Variants in FGF10 observed in about 807,000 individuals in gnomAD.
FGF10 encodes FGF-10.
Under a neutral mutation model 19.8 loss-of-function variants are expected in FGF10, and 2 were observed. That is an observed-to-expected ratio of 0.10 (90% CI 0.04 to 0.32). The LOEUF is 0.32. Ranked by LOEUF, FGF10 falls within the 10% of genes least tolerant of loss-of-function variation. FGF10 has a pLI of 1.00. For missense variants in FGF10, 191 were observed against 246.3 expected (o/e 0.78, Z 1.50); for synonymous variants, 112 against 94.0 (o/e 1.19, Z -1.10).
intron 1 of FGF10, among the ~76,000 whole-genome samples, chr5:44,383,573 T>C (rs1309679476): frequency 1.3e-5 from 2 of 152,112 alleles, no homozygotes; most frequent in African/African-American, 2.4e-5. Flanking sequence ...CTTAGGTTTC[T>C]CCTCGTAGGA....
At chr5:44,351,638 A>C (rs142704518) in intron 1 of FGF10, among the ~76,000 whole-genome samples, 16 of 151,770 alleles carry the variant, frequency 1.1e-4, no homozygotes, top group Non-Finnish European at 1.6e-4. Context: ...CATCGTTGGA[A>C]TCTTATCTGT....
chr5:44,379,119 T>C (rs1741933231), intron 1 of FGF10, among the ~76,000 whole-genome samples: 1 of 152,194 alleles, frequency 6.6e-6, no homozygotes, highest in African/African-American at 2.4e-5. Flanking sequence ...AAGGCTTCTC[T>C]AGCAGTGCTC....
intron 1 of FGF10, among the ~76,000 whole-genome samples, chr5:44,319,514 G>A (rs183417043): frequency 6.6e-6 from 1 of 152,224 alleles, no homozygotes; most frequent in African/African-American, 2.4e-5. Context: ...TGCTAATCAT[G>A]AACAGCCCTG....
At chr5:44,313,627 T>C (rs566344369) in intron 1 of FGF10, among the ~76,000 whole-genome samples, 29 of 151,804 alleles carry the variant, frequency 1.9e-4, no homozygotes, top group African/African-American at 6.8e-4. Context: ...CTGAAAATTA[T>C]ATTATTAATG....
chr5:44,323,190 G>A (rs1246200529), intron 1 of FGF10, among the ~76,000 whole-genome samples: 1 of 152,032 alleles, frequency 6.6e-6, no homozygotes, highest in East Asian at 1.9e-4. Context: ...CTCACACTTG[G>A]CAAAGAAAGA....
Position 44,304,854 on chromosome 5 carries a change from C to T in FGF10, c.*141G>A, listed in dbSNP as rs1740038565. ...ATATGTCAGCAGTGAATACAAAAACCTTCAAAGGCTGGCTTTCTTTTAAGC... is the reference window on the plus strand; with the variant it reads ...ATATGTCAGCAGTGAATACAAAAACTTTCAAAGGCTGGCTTTCTTTTAAGC... On this transcript the variant is annotated 3_prime_UTR_variant, in exon 3 of 3. Coordinates refer to ENST00000264664, the MANE Select transcript of FGF10 (RefSeq NM_004465.2). 3 of 796,676 alleles carry T rather than the reference C, an allele frequency of 3.8e-6. No homozygotes were observed. Among genetic ancestry groups the T allele is most frequent in the Non-Finnish European group, 6.4e-6 (3 of 465,596 alleles). The allele number at this position is 796,676 out of a possible 1,614,324, so 49.4% of individuals were successfully genotyped here.
In FGF10 at chr5:44,302,747, T is replaced by C. The variant is rs1046656356; in HGVS notation, c.*2248A>G. Among the ~76,000 whole-genome samples the C allele has an allele frequency of 1.3e-5, 2 of 151,754 alleles. No individual in the cohort carries two copies. Among genetic ancestry groups the C allele is most frequent in the Non-Finnish European group, 2.9e-5 (2 of 67,802 alleles). ...TTGGCCTCTGCAAGCTTTAATATATTTTGCTAGAAGCTGTTTTAGTGTCTT... is the reference window on the plus strand; with the variant it reads ...TTGGCCTCTGCAAGCTTTAATATATCTTGCTAGAAGCTGTTTTAGTGTCTT... On this transcript the variant is annotated 3_prime_UTR_variant, in exon 3 of 3. Coordinates refer to ENST00000264664, the MANE Select transcript of FGF10 (RefSeq NM_004465.2).
chr5:44,330,799 A>G (rs1308915012), intron 1 of FGF10, among the ~76,000 whole-genome samples: 1 of 152,192 alleles, frequency 6.6e-6, no homozygotes, highest in Non-Finnish European at 1.5e-5. Context: ...TCTGTCTCTT[A>G]GAAAAATGTC....
intron 1 of FGF10, among the ~76,000 whole-genome samples, chr5:44,333,025 A>G (rs1019532610): frequency 2.0e-5 from 3 of 152,088 alleles, no homozygotes; most frequent in Non-Finnish European, 4.4e-5. Context: ...ATAGGACAGT[A>G]TATGCATTAG....
At chr5:44,344,989 T>C (rs1418144416) in intron 1 of FGF10, among the ~76,000 whole-genome samples, 1 of 151,944 alleles carries the variant, frequency 6.6e-6, no homozygotes, top group African/African-American at 2.4e-5. Context: ...TAAAAAACTT[T>C]AGTTATTACA....
chr5:44,324,979 G>A (rs1023002519), intron 1 of FGF10, among the ~76,000 whole-genome samples: 2 of 152,106 alleles, frequency 1.3e-5, no homozygotes, highest in Non-Finnish European at 2.9e-5. Flanking sequence ...TTATTCCTTG[G>A]TAAAATTCAA....
Position 44,304,039 on chromosome 5 carries a change from A to G in FGF10, c.*956T>C, listed in dbSNP as rs1028122584. The G allele has an allele frequency of 5.9e-5, 9 of 152,134 alleles. No homozygotes were observed. The highest frequency in any genetic ancestry group is 2.2e-4 in the African/African-American group (9 of 41,434). 9.4% of individuals were successfully genotyped at this position (152,134 alleles called of 1,614,324 possible). A position where few individuals can be genotyped will look rare whatever the true frequency, so the allele number is the denominator to read the frequency against. ...AGAGAAGAATTTGGCCTTCTGGTCTATTTCTTGAGACAGGAAGCCTCGAGA... is the reference window on the plus strand; with the variant it reads ...AGAGAAGAATTTGGCCTTCTGGTCTGTTTCTTGAGACAGGAAGCCTCGAGA... On this transcript the variant is annotated 3_prime_UTR_variant, in exon 3 of 3. Coordinates refer to ENST00000264664, the MANE Select transcript of FGF10 (RefSeq NM_004465.2).
intron 1 of FGF10, among the ~76,000 whole-genome samples, chr5:44,366,936 C>T (rs1741629168): frequency 6.6e-6 from 1 of 151,854 alleles, no homozygotes. Flanking sequence ...TGTCAGCAAC[C>T]CTAAGTTAAC....
chr5:44,384,835 C>CT (rs1230985989), intron 1 of FGF10, among the ~76,000 whole-genome samples: 1 of 152,048 alleles, frequency 6.6e-6, no homozygotes, highest in Non-Finnish European at 1.5e-5. Flanking sequence ...GCCCAGGAGC[C>CT]TTTTTTGTGA....
intron 1 of FGF10, among the ~76,000 whole-genome samples, chr5:44,368,034 T>C (rs934878348): frequency 1.3e-5 from 2 of 152,008 alleles, no homozygotes; most frequent in Admixed American, 1.3e-4. Flanking sequence ...TATAAAAATA[T>C]GACTTTAATA....
At chr5:44,311,441 G>A (rs1015743342) in intron 1 of FGF10, among the ~76,000 whole-genome samples, 1 of 152,018 alleles carries the variant, frequency 6.6e-6, no homozygotes, top group African/African-American at 2.4e-5. Context: ...ATCGTGATTA[G>A]CATGTGGCCT....
At chr5:44,367,852 T>G (rs1205140870) in intron 1 of FGF10, among the ~76,000 whole-genome samples, 1 of 151,784 alleles carries the variant, frequency 6.6e-6, no homozygotes, top group Admixed American at 6.6e-5. Context: ...TGTTTTTTTT[T>G]TTTTTAAGTC....
intron 1 of FGF10, among the ~76,000 whole-genome samples, chr5:44,325,089 A>G (rs1047133812): frequency 1.1e-4 from 17 of 152,190 alleles, no homozygotes; most frequent in African/African-American, 3.9e-4. Context: ...GGATATGAGC[A>G]GACACAAAAG....
intron 1 of FGF10, among the ~76,000 whole-genome samples, chr5:44,335,678 T>C (rs1047146267): frequency 6.6e-6 from 1 of 152,022 alleles, no homozygotes; most frequent in Non-Finnish European, 1.5e-5. Context: ...CATACAGGAG[T>C]CAAGCCATGA....
Sources: gnomAD v4.1 joint callset for allele counts (sites outside exome capture counted in the v4.1 genomes callset) on GRCh38, gnomAD v4.1.1 for gene constraint, MANE v1.5 for transcripts, NCBI Gene and HGNC (gene_info 2026-07-23, HGNC 2026-07-21) for gene names.